The following ARID2 variants were observed in gnomAD, a reference collection of about 807,000 sequenced individuals.
The protein encoded by ARID2 is AT-rich interactive domain-containing protein 2.
Under a neutral mutation model 184.6 loss-of-function variants are expected in ARID2, and 32 were observed. The observed-to-expected ratio is 0.17, with a 90% CI of 0.13 to 0.23. ARID2 has a LOEUF of 0.23. Among genes scored for constraint, ARID2 ranks in the 10% least tolerant of loss-of-function variants. The pLI is 1.00. For synonymous variants in ARID2, 836 were observed against 772.6 expected (o/e 1.08, Z -1.36); for missense variants, 1,696 against 2,197.6 (o/e 0.77, Z 4.56).
chr12:45,806,544 T>TA (rs1185156994), intron 3 of ARID2, among the ~76,000 whole-genome samples: 1 of 152,174 alleles, frequency 6.6e-6, no homozygotes, highest in Admixed American at 6.6e-5. Context: ...GTCCACCACT[T>TA]ATTTCCATTA....
chr12:45,824,079 G>A (rs1198458033), intron 6 of ARID2, among the ~76,000 whole-genome samples: 1 of 152,004 alleles, frequency 6.6e-6, no homozygotes, highest in Non-Finnish European at 1.5e-5. Flanking sequence ...CAAAAAGACA[G>A]TGCACCATCA....
intron 3 of ARID2, among the ~76,000 whole-genome samples, chr12:45,753,131 C>T (rs143506268): frequency 0.032 from 4,852 of 152,020 alleles, 108 homozygotes; most frequent in Middle Eastern, 0.051. Context: ...GGTGTGGTGG[C>T]GCATGCCTGT....
At chr12:45,801,782 G>A (rs747786312) in intron 3 of ARID2, among the ~76,000 whole-genome samples, 9 of 152,056 alleles carry the variant, frequency 5.9e-5, no homozygotes, top group Admixed American at 2.0e-4. Context: ...CACAAAAAAT[G>A]TGTGTATTGG....
rs1199017036 is a variant in ARID2, at chr12:45,905,874, C to A, written c.*796C>A. On this transcript the variant is annotated 3_prime_UTR_variant, in exon 21 of 21. Coordinates refer to ENST00000334344, the MANE Select transcript of ARID2 (RefSeq NM_152641.4). ...GTTCTTTAAATTTGTGTAAATACTT[C>A]TGCAAAGGTACTGATGCTGTAAAGT... is the stretch of plus-strand genomic sequence containing the variant. 2 of 231,080 alleles carry A rather than the reference C, an allele frequency of 8.7e-6. No homozygotes were observed. Among genetic ancestry groups the A allele is most frequent in the Non-Finnish European group, 1.7e-5 (2 of 117,386 alleles). 14.3% of individuals were successfully genotyped at this position (231,080 alleles called of 1,614,324 possible).
chr12:45,764,395 A>G lies in ARID2; in HGVS notation c.284+33081A>G, dbSNP rs942195327. ...TTAAATATAATTTACACACAGTAAA[A>G]TTCACCCATTTTAGTACTGCCTTGC... On this transcript the variant is annotated intron_variant, in intron 3 of 20. Coordinates refer to ENST00000334344, the MANE Select transcript of ARID2 (RefSeq NM_152641.4). Among the ~76,000 whole-genome samples, 6 of 152,276 alleles carry G rather than the reference A, an allele frequency of 3.9e-5. 1 individual carries two copies. Among genetic ancestry groups the G allele is most frequent in the Admixed American group, 3.3e-4 (5 of 15,288 alleles).
At chr12:45,806,694 A>G (rs577230086) in intron 3 of ARID2, among the ~76,000 whole-genome samples, 1 of 152,232 alleles carries the variant, frequency 6.6e-6, no homozygotes, top group Non-Finnish European at 1.5e-5. Flanking sequence ...CTGGAAGAGA[A>G]ACTTTATTAT....
chr12:45,871,866 G>A (rs758806232), intron 16 of ARID2, among the ~76,000 whole-genome samples: 7 of 152,144 alleles, frequency 4.6e-5, no homozygotes, highest in Admixed American at 1.3e-4. Context: ...GGAATTGGCC[G>A]ATTTCATCTA....
At chr12:45,832,344 C>T (rs1943137425) in intron 6 of ARID2, among the ~76,000 whole-genome samples, 1 of 152,050 alleles carries the variant, frequency 6.6e-6, no homozygotes, top group Non-Finnish European at 1.5e-5. Context: ...TTATGATATG[C>T]CTTGCAGTTT....
At chr12:45,901,012 CATT>C (rs1944449801) in intron 20 of ARID2, among the ~76,000 whole-genome samples, 2 of 151,606 alleles carry the variant, frequency 1.3e-5, no homozygotes, top group Admixed American at 1.3e-4. Context: ...TCATTGAAGT[CATT>C]ATTTCATTTT....
At chr12:45,792,483 G>A (rs1942310658) in intron 3 of ARID2, among the ~76,000 whole-genome samples, 1 of 152,140 alleles carries the variant, frequency 6.6e-6, no homozygotes, top group Non-Finnish European at 1.5e-5. Flanking sequence ...GCTTAAGTAT[G>A]TTGTGCATTG....
intron 6 of ARID2, among the ~76,000 whole-genome samples, chr12:45,826,424 T>G (rs949417814): frequency 2.0e-5 from 3 of 152,000 alleles, no homozygotes; most frequent in Admixed American, 6.6e-5. Context: ...TATTTTTTAT[T>G]TATTTATTTT....
At chr12:45,816,088 G>A (rs760815847) in intron 4 of ARID2, among the ~76,000 whole-genome samples, 25 of 152,094 alleles carry the variant, frequency 1.6e-4, no homozygotes, top group African/African-American at 5.6e-4. Flanking sequence ...AAACTGCCCC[G>A]TTAGGATTCA....
intron 10 of ARID2, among the ~76,000 whole-genome samples, chr12:45,838,297 C>T (rs575443042): frequency 7.2e-5 from 11 of 152,264 alleles, no homozygotes; most frequent in South Asian, 4.2e-4. Flanking sequence ...GCCATGTTAA[C>T]GTTTTACTTG....
intron 16 of ARID2, among the ~76,000 whole-genome samples, chr12:45,863,586 C>CT (rs1330673988): frequency 6.6e-6 from 1 of 151,486 alleles, no homozygotes; most frequent in East Asian, 1.9e-4. Flanking sequence ...GACACTGTCT[C>CT]TTTTTAAAAA....
Position 45,907,170 on chromosome 12 carries a change from G to A in ARID2, c.*2092G>A, listed in dbSNP as rs1262980511. The A allele has an allele frequency of 8.6e-6, 2 of 232,544 alleles. No individual in the cohort carries two copies. Among genetic ancestry groups the A allele is most frequent in the Non-Finnish European group, 1.7e-5 (2 of 117,754 alleles). The allele number at this position is 232,544 out of a possible 1,614,324, so 14.4% of individuals were successfully genotyped here. On this transcript the variant is annotated 3_prime_UTR_variant, in exon 21 of 21. Transcript: ENST00000334344. Reference sequence around the variant, plus strand: ...CAACAGACACCGCTGAAATCATGTGGGTATCCCTAGGATGGCCTTCAGAGC... The same window carrying A: ...CAACAGACACCGCTGAAATCATGTGAGTATCCCTAGGATGGCCTTCAGAGC...
In ARID2 at chr12:45,849,783, A is replaced by G. The variant is rs1419203753; in HGVS notation, c.1912+7A>G. On this transcript the variant is annotated splice_region_variant and intron_variant, in intron 14 of 20. Coordinates refer to ENST00000334344, the MANE Select transcript of ARID2 (RefSeq NM_152641.4). ...CCTGCTCCTTCACCTGCAGGTGTTA[A>G]TTTTTATTGTATTTTTAAAGTATTA... 6.2e-7 allele frequency: 1 copy of G among 1,603,582 alleles called. No homozygotes were observed. The highest frequency in any genetic ancestry group is 8.5e-7 in the Non-Finnish European group (1 of 1,174,760).
chr12:45,763,955 T>G (rs929502460), intron 3 of ARID2, among the ~76,000 whole-genome samples: 20 of 152,210 alleles, frequency 1.3e-4, no homozygotes, highest in African/African-American at 4.8e-4. Flanking sequence ...ATAGAAAGGA[T>G]CACTGAAAAG....
chr12:45,763,499 C>T (rs977251550), intron 3 of ARID2, among the ~76,000 whole-genome samples: 2 of 151,790 alleles, frequency 1.3e-5, no homozygotes, highest in African/African-American at 4.8e-5. Context: ...AAATGTTTTG[C>T]CTGTGGAAGA....
At chr12:45,843,679 A>T (rs1174944332) in intron 11 of ARID2, among the ~76,000 whole-genome samples, 1 of 152,160 alleles carries the variant, frequency 6.6e-6, no homozygotes, top group Non-Finnish European at 1.5e-5. Flanking sequence ...GAAAATTGAA[A>T]TATTGTTCAT....
Sources: gnomAD v4.1 joint callset for allele counts (sites outside exome capture counted in the v4.1 genomes callset) on GRCh38, gnomAD v4.1.1 for gene constraint, MANE v1.5 for transcripts, NCBI Gene and HGNC (gene_info 2026-07-23, HGNC 2026-07-21) for gene names.